Variants in TRIM52 observed in about 807,000 individuals in gnomAD.
TRIM52 encodes E3 ubiquitin-protein ligase TRIM52.
Under a neutral mutation model 27.0 loss-of-function variants are expected in TRIM52, and 24 were observed. The observed-to-expected ratio is 0.89, with a 90% CI of 0.64 to 1.25. The LOEUF (loss-of-function observed/expected upper bound fraction) is 1.25, where lower values mean the gene tolerates loss of function less well. Among genes scored for constraint, TRIM52 ranks in the 50% most tolerant of loss-of-function variants. TRIM52 has a pLI of 0.00. For missense variants in TRIM52, 351 were observed against 354.7 expected (o/e 0.99, Z 0.08); for synonymous variants, 125 against 126.5 (o/e 0.99, Z 0.08).
Position 181,260,511 on chromosome 5 carries a change from G to C in TRIM52, c.303C>G (p.Asp101Glu). ...ADEELFQDQD[D>E]DELWLGDSGI... ...CACTGTCACCGAGCCAGAGTTCATCGTCATCTTGGTCTTGGAACAACTCTT... is the reference window on the plus strand; with the variant it reads ...CACTGTCACCGAGCCAGAGTTCATCCTCATCTTGGTCTTGGAACAACTCTT... The change falls in exon 1 of 2, where the codon GAC (aspartate) becomes GAG (glutamate). Residue 101 changes from aspartate (D) to glutamate (E), a missense_variant. Coordinates refer to ENST00000688015, the MANE Select transcript of TRIM52 (RefSeq NM_001346048.2). This position sits in a 1 kb window ranked among gnomAD's most constrained non-coding sequence, Gnocchi z 4.4. 3 of 1,613,564 alleles carry C rather than the reference G, an allele frequency of 1.9e-6. No homozygotes were observed. The highest frequency in any genetic ancestry group is 1.6e-4 in the Middle Eastern group (1 of 6,062).
downstream of TRIM52, among the ~76,000 whole-genome samples, chr5:181,250,543 G>GAAAAAAAAAAAGA (rs1759615543): frequency 3.6e-5 from 5 of 140,842 alleles, no homozygotes; most frequent in Admixed American, 1.4e-4. Context: ...CTCAAAAAAA[G>GAAAAAAAAAAAGA]AAAAAAAAAA....
Position 181,260,807 on chromosome 5 carries a change from C to T in TRIM52, c.7G>A (p.Gly3Ser), listed in dbSNP as rs747783414. 2 of 1,583,960 alleles carry T rather than the reference C, an allele frequency of 1.3e-6. No individual in the cohort carries two copies. The highest frequency in any genetic ancestry group is 1.7e-6 in the Non-Finnish European group (2 of 1,161,108). The change falls in exon 1 of 2, where the codon GGT (glycine) becomes AGT (serine). Residue 3 changes from glycine to serine, a missense_variant. By Grantham distance (56) the Gly-to-Ser change is moderately conservative. Transcript: ENST00000688015. The surrounding 1 kb of genome is among the most constrained non-coding windows in gnomAD (Gnocchi z 4.4). MA[G>S]YATTPSPMQT... ...ATGGGGCTGGGAGTAGTGGCATAAC[C>T]AGCCATCTTAATGCCCGCCGGCAGG... is the stretch of plus-strand genomic sequence containing the variant.
At chr5:181,257,358 A>G (rs1241938880) in intron 1 of TRIM52, 4 of 1,523,532 alleles carry the variant, frequency 2.6e-6, no homozygotes, top group Non-Finnish European at 3.5e-6. Flanking sequence ...TAGCTATATA[A>G]ATGGAATCAT....
chr5:181,258,836 T>A (rs1208385497), intron 1 of TRIM52: 4 of 152,222 alleles, frequency 2.6e-5, no homozygotes, highest in African/African-American at 9.6e-5. Context: ...TTTGAGATAA[T>A]GCTAGGCATG....
At chr5:181,257,920 G>T (rs1489354246) in intron 1 of TRIM52, 1 of 153,104 alleles carries the variant, frequency 6.5e-6, no homozygotes, top group African/African-American at 2.4e-5. Flanking sequence ...AACTCGGGAG[G>T]CGTAGGTTGC....
rs777259370 is a variant in TRIM52 at position 181,257,365 on chromosome 5, T to C, written c.814-506A>G. 30 of 1,551,206 alleles carry C rather than the reference T, an allele frequency of 1.9e-5. No homozygotes were observed. The South Asian group carries it at 3.5e-4, about 18-fold the overall frequency. On this transcript the variant is annotated intron_variant, in intron 1 of 1. Transcript: ENST00000688015. ...AATAGAAATAGCTATATAAATGGAA[T>C]CATATCCTTAATGAACACCTCCTGT...
At chr5:181,256,901 A>T (rs1177516894) in intron 1 of TRIM52, 42 bp from the exon 2 acceptor site, 28 of 980,388 alleles carry the variant, frequency 2.9e-5, no homozygotes, top group Admixed American at 1.2e-4. Flanking sequence ...AAGCCTCAAC[A>T]TTTTTTTTTG....
chr5:181,250,360 A>C (rs971586602), downstream of TRIM52, among the ~76,000 whole-genome samples: 5 of 152,034 alleles, frequency 3.3e-5, no homozygotes, highest in Non-Finnish European at 7.4e-5. Flanking sequence ...GCATGGCAAA[A>C]CCCTGTCTCT....
chr5:181,260,228 G>A lies in TRIM52; in HGVS notation c.586C>T (p.Arg196Cys). 2 of 1,614,242 alleles carry A rather than the reference G, an allele frequency of 1.2e-6. No individual in the cohort carries two copies. Among genetic ancestry groups the A allele is most frequent in the African/African-American group, 2.7e-5 (2 of 75,066 alleles). The change falls in exon 1 of 2, where the codon CGT becomes TGT. Residue 196 changes from arginine (R) to cysteine (C), a missense_variant. Arg to Cys is a radical substitution (Grantham distance 180). Coordinates refer to ENST00000688015, the MANE Select transcript of TRIM52 (RefSeq NM_001346048.2). The surrounding 1 kb of genome is among the most constrained non-coding windows in gnomAD (Gnocchi z 4.4). ...CRKSFTRRSF[R>C]PNLQLANMVQ... ...ATGTTGGCCAGCTGCAAGTTGGGAC[G>A]AAAGCTGCGACGTGTAAAGCTCTTT...
chr5:181,251,335 T>A (rs1365671880), downstream of TRIM52, among the ~76,000 whole-genome samples: 1 of 151,774 alleles, frequency 6.6e-6, no homozygotes, highest in Admixed American at 6.6e-5. Context: ...TAGGAAGGCC[T>A]AAGCACAAAC....
rs1348401648 is a variant in TRIM52, at chr5:181,255,826, C to CT, written c.*982dup. ...GTTAAAACTCTGTTGAAAATTTTAA[C>CT]TTTTGAAATGTTCAAGTATAGATTA... On this transcript the variant is annotated 3_prime_UTR_variant, in exon 2 of 2. Transcript: ENST00000688015. The CT allele has an allele frequency of 3.3e-5, 5 of 152,330 alleles. No individual in the cohort carries two copies. The highest frequency in any genetic ancestry group is 6.5e-5 in the Admixed American group (1 of 15,298). The allele number at this position is 152,330 out of a possible 1,614,324, so 9.4% of individuals were successfully genotyped here.
At chr5:181,256,942 A>G (rs1257996951) in intron 1 of TRIM52, 83 bp from the exon 2 acceptor site, 2 of 985,830 alleles carry the variant, frequency 2.0e-6, no homozygotes, top group Admixed American at 1.2e-4. Context: ...CAAAGGAGAT[A>G]ACAGAAAAAC....
chr5:181,254,146 C>T (rs1759696937), downstream of TRIM52, among the ~76,000 whole-genome samples: 1 of 139,002 alleles, frequency 7.2e-6, no homozygotes. Context: ...AAAAATTAGC[C>T]AGGCTTGGTG....
chr5:181,259,935 A>G, intron 1 of TRIM52, 66 bp downstream of exon 1: 1 of 1,610,110 alleles, frequency 6.2e-7, no homozygotes, highest in Non-Finnish European at 8.5e-7. Flanking sequence ...AATGCTACTC[A>G]TTCCTCAGCT....
chr5:181,259,330 A>T (rs1396728975), intron 1 of TRIM52: 1 of 154,698 alleles, frequency 6.5e-6, no homozygotes, highest in Non-Finnish European at 1.4e-5. Context: ...AGGTCATCTG[A>T]TCCTAAATCC....
At chr5:181,259,120 A>G (rs1156880117) in intron 1 of TRIM52, 2 of 152,228 alleles carry the variant, frequency 1.3e-5, no homozygotes, top group African/African-American at 4.8e-5. Context: ...AGAAGTCAAG[A>G]CTAGAAAGCA....
Position 181,257,514 on chromosome 5 carries a change from GT to G in TRIM52, c.814-656del, listed in dbSNP as rs528780941. ...TATTTCCTATATTATGAAAAATGAAGTTTTTTTAACATTGTAACAAAGTATA... is the reference window on the plus strand; with the variant it reads ...TATTTCCTATATTATGAAAAATGAAGTTTTTTAACATTGTAACAAAGTATA... On this transcript the variant is annotated intron_variant, in intron 1 of 1. Transcript: ENST00000688015. 58 of 1,597,298 alleles carry G rather than the reference GT, an allele frequency of 3.6e-5. 2 individuals carry two copies. The Middle Eastern group carries it at 3.3e-3, about 92-fold the overall frequency.
At chr5:181,253,235 A>G (rs1007400177), downstream of TRIM52, among the ~76,000 whole-genome samples, 1 of 141,448 alleles carries the variant, frequency 7.1e-6, no homozygotes, top group African/African-American at 3.0e-5. Context: ...GGGTTTCTCC[A>G]TGTTGGTCAG....
downstream of TRIM52, among the ~76,000 whole-genome samples, chr5:181,252,706 C>A (rs534871247): frequency 6.6e-6 from 1 of 152,148 alleles, no homozygotes; most frequent in Non-Finnish European, 1.5e-5. Flanking sequence ...ATGGCAAGAG[C>A]CTTAGGTTTT....
Sources: gnomAD v4.1 joint callset for allele counts (sites outside exome capture counted in the v4.1 genomes callset) on GRCh38, gnomAD v4.1.1 for gene constraint, Gnocchi (gnomAD v3.1) non-coding constraint, MANE v1.5 for transcripts, NCBI Gene and HGNC (gene_info 2026-07-23, HGNC 2026-07-21) for gene names.